The following MBNL1 variants were observed in gnomAD, a reference collection of about 807,000 sequenced individuals.
The protein encoded by MBNL1 is muscleblind-like protein 1.
In MBNL1, 8 loss-of-function variants were observed where a neutral mutation model predicts 42.2. That is an observed-to-expected ratio of 0.19 (90% CI 0.11 to 0.34). MBNL1 has a LOEUF of 0.34. MBNL1 is among the 10% of genes least tolerant of loss of function. MBNL1 has a pLI of 1.00. For synonymous variants in MBNL1, 169 were observed against 173.9 expected (o/e 0.97, Z 0.22); for missense variants, 309 against 495.3 (o/e 0.62, Z 3.57).
chr3:152,340,656 T>C, intron 2 of MBNL1: 1 of 1,613,856 alleles, frequency 6.2e-7, no homozygotes, highest in Non-Finnish European at 8.5e-7. Flanking sequence ...TGTTCCAGAG[T>C]GTTAGAATCT....
At chr3:152,438,916 G>A (rs146770257) in intron 4 of MBNL1, among the ~76,000 whole-genome samples, 36 of 152,218 alleles carry the variant, frequency 2.4e-4, no homozygotes, top group African/African-American at 8.4e-4. Flanking sequence ...TTACATAGGC[G>A]TAATCCAATA....
At chr3:152,349,004 A>G (rs2036291) in intron 2 of MBNL1, among the ~76,000 whole-genome samples, 66,060 of 151,778 alleles carry the variant, frequency 0.44, 14,489 homozygotes, top group East Asian at 0.55. Context: ...AAGTCTTACT[A>G]CCTCCTGGGA....
chr3:152,275,020 T>C (rs2044127694), intron 1 of MBNL1, among the ~76,000 whole-genome samples: 1 of 152,250 alleles, frequency 6.6e-6, no homozygotes, highest in South Asian at 2.1e-4. Context: ...TTTCAGCTTA[T>C]TGTATCCAGA....
chr3:152,320,812 T>A (rs192381414), intron 2 of MBNL1, among the ~76,000 whole-genome samples: 1 of 152,046 alleles, frequency 6.6e-6, no homozygotes, highest in Admixed American at 6.6e-5. Context: ...ATTGTTTTTA[T>A]TATCAAACTA....
In MBNL1 at chr3:152,268,986, G is replaced by C. The variant is rs757351304; in HGVS notation, c.-896G>C. 9.9e-5 allele frequency: 45 copies of C among 456,152 alleles called. No individual in the cohort carries two copies. The highest frequency in any genetic ancestry group is 1.5e-4 in the Non-Finnish European group (33 of 226,972). The allele number at this position is 456,152 out of a possible 1,614,324, so 28.3% of individuals were successfully genotyped here. ...GCCCACAATGCTCCCATGACAAGGA[G>C]CTGACAAGTTCCATTTTCCGTCGCG... On this transcript the variant is annotated 5_prime_UTR_variant, in exon 1 of 10. Coordinates refer to ENST00000324210, the MANE Select transcript of MBNL1 (RefSeq NM_021038.5).
chr3:152,350,332 G>T (rs1049015345), intron 2 of MBNL1, among the ~76,000 whole-genome samples: 1 of 151,952 alleles, frequency 6.6e-6, no homozygotes, highest in African/African-American at 2.4e-5. Flanking sequence ...GAGAGAGGAG[G>T]TAGAATTCAG....
chr3:152,383,410 G>A (rs557282461), intron 2 of MBNL1, among the ~76,000 whole-genome samples: 1 of 152,012 alleles, frequency 6.6e-6, no homozygotes, highest in African/African-American at 2.4e-5. Flanking sequence ...CCTCACCACA[G>A]TTTAAGAGCT....
At chr3:152,251,970 C>G (rs1341410777) in intron 2 of MBNL1, among the ~76,000 whole-genome samples, 2 of 152,064 alleles carry the variant, frequency 1.3e-5, no homozygotes, top group African/African-American at 4.8e-5. Context: ...CTACTGTAAG[C>G]AAAAGAACTC....
chr3:152,393,832 A>T (rs190152472), intron 2 of MBNL1, among the ~76,000 whole-genome samples: 21 of 152,292 alleles, frequency 1.4e-4, no homozygotes, highest in South Asian at 4.1e-4. Context: ...GAATTTCAGC[A>T]TTATGTAGTT....
At chr3:152,257,817 T>C (rs1202569409) in intron 2 of MBNL1, among the ~76,000 whole-genome samples, 2 of 152,216 alleles carry the variant, frequency 1.3e-5, no homozygotes, top group Non-Finnish European at 2.9e-5. Flanking sequence ...TTTTGAAATA[T>C]AGTGCTAAAG....
At chr3:152,331,629 C>T (rs2084606212) in intron 2 of MBNL1, among the ~76,000 whole-genome samples, 1 of 151,962 alleles carries the variant, frequency 6.6e-6, no homozygotes, top group Admixed American at 6.6e-5. Context: ...GAAGCGGACC[C>T]AGTAAGGGTT....
chr3:152,445,488 C>T lies in MBNL1; in HGVS notation c.756C>T (p.Tyr252=). The change falls in exon 5 of 10, where the codon TAC becomes TAT. Residue 252 remains tyrosine, a synonymous_variant. Transcript: ENST00000324210. Reference sequence around the variant, plus strand: ...AAGCCAAGATCAAGGCTGCCCAATACCAGGTCAACCAGGCTGCAGCTGCAC... The same window carrying T: ...AAGCCAAGATCAAGGCTGCCCAATATCAGGTCAACCAGGCTGCAGCTGCAC... ...HLQAKIKAAQ[Y]QVNQAAAAQA... The T allele has an allele frequency of 6.2e-7, 1 of 1,614,042 alleles. No homozygotes were observed. The highest frequency in any genetic ancestry group is 1.1e-5 in the South Asian group (1 of 91,078).
chr3:152,268,743 G>A (rs554193271), upstream of MBNL1: 40 of 455,238 alleles, frequency 8.8e-5, no homozygotes, highest in African/African-American at 4.0e-4. Context: ...GCGACCCTGT[G>A]GCCCGGGGAA....
intron 3 of MBNL1, among the ~76,000 whole-genome samples, chr3:152,421,461 TA>T (rs1367990801): frequency 6.6e-6 from 1 of 152,154 alleles, no homozygotes. Flanking sequence ...AACCCGGGAC[TA>T]AGGAGCTTGG....
chr3:152,323,758 A>G (rs1022851230), intron 2 of MBNL1, among the ~76,000 whole-genome samples: 2 of 152,180 alleles, frequency 1.3e-5, no homozygotes, highest in African/African-American at 4.8e-5. Flanking sequence ...GATGTCTACA[A>G]ATGTCACTGG....
intron 2 of MBNL1, among the ~76,000 whole-genome samples, chr3:152,372,303 G>A (rs991490466): frequency 3.3e-5 from 5 of 152,098 alleles, no homozygotes; most frequent in East Asian, 1.9e-4. Context: ...CTGTCAATTC[G>A]TCAAACTCAT....
intron 1 of MBNL1, among the ~76,000 whole-genome samples, chr3:152,292,790 A>G (rs918495479): frequency 4.7e-5 from 7 of 150,156 alleles, no homozygotes; most frequent in African/African-American, 1.7e-4. Flanking sequence ...TTTTTTTCAG[A>G]CAGGGTCTTA....
intron 1 of MBNL1, among the ~76,000 whole-genome samples, chr3:152,288,984 G>A (rs1295046673): frequency 6.6e-6 from 1 of 151,894 alleles, no homozygotes; most frequent in African/African-American, 2.4e-5. Flanking sequence ...GTTCCCACAA[G>A]AGAAATTTAC....
intron 5 of MBNL1, chr3:152,446,731 C>T (rs2099232195): frequency 1.2e-6 from 2 of 1,613,708 alleles, no homozygotes; most frequent in African/African-American, 1.3e-5. Context: ...ATCACTGAAG[C>T]GACCCCTCGA....
Sources: allele counts gnomAD v4.1 joint callset (sites outside exome capture counted in the v4.1 genomes callset), GRCh38; gene constraint gnomAD v4.1.1; transcripts MANE v1.5; gene names NCBI Gene and HGNC (gene_info 2026-07-23, HGNC 2026-07-21).